The following SPIRE1 variants were observed in gnomAD, a reference collection of about 807,000 sequenced individuals.
SPIRE1 encodes spire type actin nucleation factor 1, also known as protein spire homolog 1.
Under a neutral mutation model 94.1 loss-of-function variants are expected in SPIRE1, and 40 were observed. The ratio of observed to expected loss-of-function variants is 0.43; its 90% CI spans 0.33 to 0.55. SPIRE1 has a LOEUF of 0.55. Ranked by LOEUF, SPIRE1 falls within the 20% of genes least tolerant of loss-of-function variation. The pLI is 0.06. For missense variants in SPIRE1, 838 were observed against 975.2 expected (o/e 0.86, Z 1.87); for synonymous variants, 376 against 371.7 (o/e 1.01, Z -0.13).
intron 2 of SPIRE1, among the ~76,000 whole-genome samples, chr18:12,631,994 G>A (rs897973137): frequency 9.9e-5 from 15 of 151,414 alleles, no homozygotes; most frequent in South Asian, 2.1e-4. Context: ...ACAGTGAGCC[G>A]TTATCATGGC....
At chr18:12,610,849 A>G (rs149563472) in intron 2 of SPIRE1, among the ~76,000 whole-genome samples, 79 of 152,214 alleles carry the variant, frequency 5.2e-4, no homozygotes, top group African/African-American at 1.9e-3. Context: ...AACTGAAGTA[A>G]CCAGAAGAGA....
At position 12,512,545 on chromosome 18, in the gene SPIRE1, T is replaced by A; in HGVS notation, c.730-14A>T. On this transcript the variant is annotated splice_polypyrimidine_tract_variant and intron_variant, in intron 4 of 16. Coordinates refer to ENST00000409402, the MANE Select transcript of SPIRE1 (RefSeq NM_001128626.2). ...CTTCTTAAGATTCTACAGGTTAAAA[T>A]AATACAGGCATAAACATTTCATTAA... 6.5e-7 allele frequency: 1 copy of A among 1,532,332 alleles called. No homozygotes were observed. The highest frequency in any genetic ancestry group is 9.0e-7 in the Non-Finnish European group (1 of 1,112,958). 94.9% of individuals were successfully genotyped at this position (1,532,332 alleles called of 1,614,324 possible).
rs530559309 is a variant in SPIRE1, at chr18:12,500,243, T to C, written c.973-4141A>G. On this transcript the variant is annotated intron_variant, in intron 6 of 16. Transcript: ENST00000409402. The stretch of plus-strand genomic sequence containing the variant: ...TCTCTACCAGCATGCAATATACCTA[T>C]GTAACAAACAGGCACATGCACACCC... Among the ~76,000 whole-genome samples, 19 of 152,234 alleles carry C rather than the reference T, an allele frequency of 1.2e-4. 1 individual carries two copies. The South Asian group carries it at 3.9e-3, about 32-fold the overall frequency.
chr18:12,510,007 C>T (rs1459576276), intron 5 of SPIRE1, among the ~76,000 whole-genome samples: 2 of 151,698 alleles, frequency 1.3e-5, no homozygotes, highest in Non-Finnish European at 2.9e-5. Context: ...ATTGCTTGAA[C>T]CCAGGAGGCG....
chr18:12,595,130 C>G lies in SPIRE1; in HGVS notation c.372+39932G>C, dbSNP rs185982574. ...CTGTCTCTACCAACACAAAACAAAA[C>G]AAAAATTCGCTGGGCATGGTGGTGG... is the stretch of plus-strand genomic sequence containing the variant. On this transcript the variant is annotated intron_variant, in intron 2 of 16. Coordinates refer to ENST00000409402, the MANE Select transcript of SPIRE1 (RefSeq NM_001128626.2). Among the ~76,000 whole-genome samples, 18 of 152,034 alleles carry G rather than the reference C, an allele frequency of 1.2e-4. No individual in the cohort carries two copies. The East Asian group carries it at 3.5e-3, about 29-fold the overall frequency.
chr18:12,622,605 G>A (rs2037507575), intron 2 of SPIRE1, among the ~76,000 whole-genome samples: 2 of 150,626 alleles, frequency 1.3e-5, no homozygotes, highest in Admixed American at 6.6e-5. Context: ...TGTATTTTTA[G>A]TAGAGACAGG....
At chr18:12,553,574 G>C (rs1178127972) in intron 2 of SPIRE1, among the ~76,000 whole-genome samples, 4 of 152,062 alleles carry the variant, frequency 2.6e-5, no homozygotes, top group Admixed American at 6.6e-5. Context: ...CAGAATACCA[G>C]GCAGAAAAGT....
Position 12,590,481 on chromosome 18 carries a change from T to A in SPIRE1, c.373-43577A>T, listed in dbSNP as rs533977577. Among the ~76,000 whole-genome samples, 241 of 152,318 alleles carry A rather than the reference T, an allele frequency of 1.6e-3. 1 individual carries two copies. The highest frequency in any genetic ancestry group is 5.5e-3 in the African/African-American group (227 of 41,584). On this transcript the variant is annotated intron_variant, in intron 2 of 16. Transcript: ENST00000409402. The stretch of plus-strand genomic sequence containing the variant: ...ATCAATTTTTCCCATAGAAAAAGTT[T>A]TCGGGCCTAAAGAAGAAAGCCCAAA...
chr18:12,587,516 A>C (rs7504254), intron 2 of SPIRE1, among the ~76,000 whole-genome samples: 136,832 of 151,760 alleles, frequency 0.9, 61,958 homozygotes, highest in Non-Finnish European at 0.95. Flanking sequence ...CTAAGAGAAC[A>C]CAGAAAGGTT....
chr18:12,554,861 T>A (rs2035454554), intron 2 of SPIRE1, among the ~76,000 whole-genome samples: 1 of 152,140 alleles, frequency 6.6e-6, no homozygotes, highest in South Asian at 2.1e-4. Context: ...ATTCTCCCAG[T>A]CTTAACACTT....
In SPIRE1 at chr18:12,493,088, A is replaced by G. The variant is rs1567887528; in HGVS notation, c.1173T>C (p.Ile391=). Residue 391 remains isoleucine, a synonymous_variant, in exon 8 of 17, where the codon ATT becomes ATC. Transcript: ENST00000409402. ...RKLRPVSPEE[I]RRSRLAMRPL... ...TGGACTCACCTAATCTGCTACGTCT[A>G]ATCTCCTCTGGTGATACAGGCCGCA... The G allele has an allele frequency of 6.2e-7, 1 of 1,612,442 alleles. No homozygotes were observed. The highest frequency in any genetic ancestry group is 8.5e-7 in the Non-Finnish European group (1 of 1,179,752).
chr18:12,586,132 A>T (rs986321650), intron 2 of SPIRE1, among the ~76,000 whole-genome samples: 2 of 152,154 alleles, frequency 1.3e-5, no homozygotes, highest in African/African-American at 2.4e-5. Flanking sequence ...TAAAATTTTT[A>T]AAATAAAGAC....
chr18:12,650,342 T>C (rs912702798), intron 1 of SPIRE1, among the ~76,000 whole-genome samples: 1 of 152,124 alleles, frequency 6.6e-6, no homozygotes, highest in Non-Finnish European at 1.5e-5. Context: ...GCAAATCACT[T>C]GAGCCCAGAA....
At chr18:12,527,827 G>T (rs2034566788) in intron 4 of SPIRE1, among the ~76,000 whole-genome samples, 1 of 152,142 alleles carries the variant, frequency 6.6e-6, no homozygotes, top group African/African-American at 2.4e-5. Context: ...AGCACTTTGG[G>T]AGGCCGAGGT....
intron 8 of SPIRE1, among the ~76,000 whole-genome samples, chr18:12,487,417 T>G (rs1243957299): frequency 1.3e-5 from 2 of 150,826 alleles, no homozygotes; most frequent in Non-Finnish European, 3.0e-5. Flanking sequence ...TTTTTTTTTT[T>G]TGAGATGGAG....
chr18:12,454,239 C>A (rs1044260680), intron 13 of SPIRE1, 107 bp downstream of exon 13: 2 of 1,287,294 alleles, frequency 1.6e-6, no homozygotes, highest in African/African-American at 1.5e-5. Context: ...ATCCCAAATC[C>A]CCTCAAAGTC....
At chr18:12,517,417 C>T (rs550905299) in intron 4 of SPIRE1, among the ~76,000 whole-genome samples, 1 of 152,224 alleles carries the variant, frequency 6.6e-6, no homozygotes, top group African/African-American at 2.4e-5. Flanking sequence ...AAATATGTGG[C>T]TAGAAAGCTC....
intron 2 of SPIRE1, among the ~76,000 whole-genome samples, chr18:12,575,361 ATATTTATT>A (rs532406517): frequency 2.0e-5 from 3 of 152,068 alleles, no homozygotes; most frequent in African/African-American, 7.2e-5. Context: ...CTTCCCCTGA[ATATTTATT>A]TATTTATTTA....
At chr18:12,624,492 G>A (rs1051687306) in intron 2 of SPIRE1, among the ~76,000 whole-genome samples, 8 of 145,768 alleles carry the variant, frequency 5.5e-5, no homozygotes, top group South Asian at 2.2e-4. Flanking sequence ...GCAGTGAGCC[G>A]AGATCGTACC....
Sources: allele counts gnomAD v4.1 joint callset (sites outside exome capture counted in the v4.1 genomes callset), GRCh38; gene constraint gnomAD v4.1.1; transcripts MANE v1.5; gene names NCBI Gene and HGNC (gene_info 2026-07-23, HGNC 2026-07-21).